Variants in BAZ2A observed in about 807,000 individuals in gnomAD.
BAZ2A encodes bromodomain adjacent to zinc finger domain protein 2A.
In BAZ2A, 34 loss-of-function variants were observed where a neutral mutation model predicts 199.9. The observed-to-expected ratio is 0.17, with a 90% CI of 0.13 to 0.23. BAZ2A has a LOEUF of 0.23. Ranked by LOEUF, BAZ2A falls within the 10% of genes least tolerant of loss-of-function variation. The pLI is 1.00. For missense variants in BAZ2A, 2,002 were observed against 2,391.1 expected (o/e 0.84, Z 3.39); for synonymous variants, 857 against 883.9 (o/e 0.97, Z 0.54).
Position 56,628,397 on chromosome 12 carries a change from T to C in BAZ2A, c.-3+1728A>G, listed in dbSNP as rs181265802. On this transcript the variant is annotated intron_variant, in intron 1 of 28. Transcript: ENST00000549884. The stretch of plus-strand genomic sequence containing the variant: ...GAAAAAAAAAATCTGGGCACGACTT[T>C]GCAGGGAACAGAGGAAAAGCTTACC... 2.3e-3 allele frequency among the ~76,000 whole-genome samples: 357 copies of C among 152,174 alleles called. 1 individual carries two copies. Among genetic ancestry groups the C allele is most frequent in the African/African-American group, 8.2e-3 (340 of 41,516 alleles).
Position 56,601,661 on chromosome 12 carries a change from G to T in BAZ2A, c.3956C>A (p.Ala1319Glu). 6.2e-7 allele frequency: 1 copy of T among 1,614,012 alleles called. No homozygotes were observed. Among genetic ancestry groups the T allele is most frequent in the Non-Finnish European group, 8.5e-7 (1 of 1,179,888 alleles). The change falls in exon 20 of 29, where the codon GCA (alanine) becomes GAA (glutamate). Residue 1319 changes from alanine (A) to glutamate (E), a missense_variant. Coordinates refer to ENST00000549884, the MANE Select transcript of BAZ2A (RefSeq NM_001300905.2). ...CTGGGCTGAGATGTTAAACCAGAGT[G>T]CTTGAGGATCAGGGCTGGATTCTGC... The part of the protein sequence containing the change: ...DEAESSPDPQ[A>E]LWFNISAQMP...
chr12:56,634,954 G>T (rs908325916), upstream of BAZ2A: 1 of 985,020 alleles, frequency 1.0e-6, no homozygotes, highest in African/African-American at 1.7e-5. Flanking sequence ...CCTGGAGCAG[G>T]GCCGGGCCGC....
Position 56,597,873 on chromosome 12 carries a change from G to T in BAZ2A, c.*745C>A, listed in dbSNP as rs1352252671. ...AAAGGCTGGAAACTCAGCATGTGAG[G>T]AGCATCCAACATCATACAGGGGATA... On this transcript the variant is annotated 3_prime_UTR_variant, in exon 29 of 29. Transcript: ENST00000549884. 1 of 152,642 alleles carries T rather than the reference G, an allele frequency of 6.6e-6. No homozygotes were observed. The highest frequency in any genetic ancestry group is 2.1e-4 in the South Asian group (1 of 4,832). 9.5% of individuals were successfully genotyped at this position (152,642 alleles called of 1,614,324 possible). A position where few individuals can be genotyped will look rare whatever the true frequency, so the allele number is the denominator to read the frequency against.
At chr12:56,609,030 C>CGCCACCAT (rs946930969) in intron 10 of BAZ2A, among the ~76,000 whole-genome samples, 9 of 151,588 alleles carry the variant, frequency 5.9e-5, no homozygotes, top group African/African-American at 2.2e-4. Flanking sequence ...CACACCACCA[C>CGCCACCAT]GCCCAGCTAA....
At chr12:56,606,099 A>C (rs1950342590) in intron 12 of BAZ2A, 36 bp from the exon 13 acceptor site, 1 of 1,550,832 alleles carries the variant, frequency 6.4e-7, no homozygotes, top group African/African-American at 1.4e-5. Context: ...ACTGCCATAA[A>C]GATATCAGTC....
chr12:56,621,486 C>T (rs1490454782), intron 1 of BAZ2A, among the ~76,000 whole-genome samples: 1 of 152,032 alleles, frequency 6.6e-6, no homozygotes, highest in Non-Finnish European at 1.5e-5. Flanking sequence ...ATGTAGTGGG[C>T]TCTAGGTTCA....
At chr12:56,621,616 G>A (rs949092741) in intron 1 of BAZ2A, among the ~76,000 whole-genome samples, 2 of 151,914 alleles carry the variant, frequency 1.3e-5, no homozygotes, top group African/African-American at 4.8e-5. Context: ...GACTGGTGAG[G>A]ATGAAATGAG....
chr12:56,599,068 C>G, intron 27 of BAZ2A, 57 bp from the exon 28 acceptor site: 1 of 1,600,116 alleles, frequency 6.2e-7, no homozygotes. Context: ...ACTGACCCCT[C>G]CCAGCCCTTT....
intron 2 of BAZ2A, among the ~76,000 whole-genome samples, chr12:56,615,949 G>A (rs1950707099): frequency 6.6e-6 from 1 of 152,156 alleles, no homozygotes; most frequent in Non-Finnish European, 1.5e-5. Flanking sequence ...ATGTCACCAG[G>A]CTGGAGTGCA....
intron 22 of BAZ2A, 33 bp from the exon 23 acceptor site, chr12:56,600,865 T>G: frequency 6.2e-7 from 1 of 1,611,900 alleles, no homozygotes; most frequent in Non-Finnish European, 8.5e-7. Context: ...GAGAGGCCCA[T>G]CAGGCTGTTG....
chr12:56,636,184 A>C (rs754330046), exon 1 of BAZ2A: 2 of 1,595,384 alleles, frequency 1.3e-6, no homozygotes, highest in Non-Finnish European at 1.7e-6. Flanking sequence ...ATACTCACCC[A>C]TGTCAGGCTG....
rs771290278 is a variant in BAZ2A at position 56,605,950 on chromosome 12, T to C, written c.2373A>G (p.Pro791=). The C allele has an allele frequency of 6.4e-6, 10 of 1,558,420 alleles. No individual in the cohort carries two copies. Among genetic ancestry groups the C allele is most frequent in the Non-Finnish European group, 8.7e-6 (10 of 1,150,592 alleles). ...CCAGGGTCTTATCTGCTTTACAGGC[T>C]GGCTTGGCTTTGGTCACCTCCTCCT... is the stretch of plus-strand genomic sequence containing the variant. ...KEKEEVTKAK[P]ACKADKTLAT... Residue 791 remains proline (P), a synonymous_variant, in exon 13 of 29, where the codon CCA becomes CCG. Transcript: ENST00000549884.
At chr12:56,602,954 C>A in intron 18 of BAZ2A, 97 bp from the exon 19 acceptor site, 1 of 1,366,652 alleles carries the variant, frequency 7.3e-7, no homozygotes, top group Non-Finnish European at 9.9e-7. Context: ...GGCTCTCAGT[C>A]CCTCTATAAA....
intron 1 of BAZ2A, 189 bp downstream of exon 1, chr12:56,629,936 G>T: frequency 3.1e-6 from 1 of 324,280 alleles, no homozygotes; most frequent in Non-Finnish European, 4.4e-6. Context: ...CACCAGCCCT[G>T]TTCTCCTCCC....
chr12:56,618,510 A>G (rs947086232), intron 1 of BAZ2A, among the ~76,000 whole-genome samples: 4 of 152,136 alleles, frequency 2.6e-5, no homozygotes, highest in East Asian at 1.9e-4. Flanking sequence ...TAACATATCA[A>G]TCGGATTCTT....
rs1423481630 is a variant in BAZ2A, at chr12:56,613,199, G to A, written c.951C>T (p.Asp317=). Residue 317 remains aspartate (D), a synonymous_variant, in exon 5 of 29, where the codon GAC becomes GAT. Coordinates refer to ENST00000549884, the MANE Select transcript of BAZ2A (RefSeq NM_001300905.2). The part of the protein sequence containing the change: ...PVSGGLYGID[D]TELMGAEDKL... Reference sequence around the variant, plus strand: ...TGTCCTCTGCACCCATCAGCTCCGTGTCATCAATACCATATAGTCCTCCAC... The same window carrying A: ...TGTCCTCTGCACCCATCAGCTCCGTATCATCAATACCATATAGTCCTCCAC... 6.2e-7 allele frequency: 1 copy of A among 1,613,990 alleles called. No individual in the cohort carries two copies.
At chr12:56,638,311 G>A (rs1565846824), upstream of BAZ2A, 1 of 1,610,570 alleles carries the variant, frequency 6.2e-7, no homozygotes. Flanking sequence ...CAGTACAGAG[G>A]ACAAAGACCC....
rs1225323241 is a variant in BAZ2A, at chr12:56,596,701, G to A, written c.*1917C>T. On this transcript the variant is annotated 3_prime_UTR_variant, in exon 29 of 29. Transcript: ENST00000549884. The stretch of plus-strand genomic sequence containing the variant: ...AAGTTTGTTACAGCGCAGTTATTTA[G>A]ATAAAATATAAATATTTATGCATAA... The A allele has an allele frequency of 6.6e-6, 1 of 152,466 alleles. No homozygotes were observed. Among genetic ancestry groups the A allele is most frequent in the Non-Finnish European group, 1.5e-5 (1 of 68,022 alleles). The allele number at this position is 152,466 out of a possible 1,614,324, so 9.4% of individuals were successfully genotyped here.
chr12:56,614,365 C>T (rs923196010), intron 3 of BAZ2A: 3 of 476,048 alleles, frequency 6.3e-6, no homozygotes, highest in African/African-American at 3.8e-5. Context: ...GGGTCTGATA[C>T]AACATCTCTA....
Sources: gnomAD v4.1 joint callset for allele counts (sites outside exome capture counted in the v4.1 genomes callset) on GRCh38, gnomAD v4.1.1 for gene constraint, MANE v1.5 for transcripts, NCBI Gene and HGNC (gene_info 2026-07-23, HGNC 2026-07-21) for gene names.